The following HLTF variants were observed in gnomAD, a reference collection of about 807,000 sequenced individuals.
HLTF encodes the protein DNA-dependent ATPase/E3 ubiquitin-protein ligase HLTF.
In HLTF, 127 loss-of-function variants were observed where a neutral mutation model predicts 129.4. The ratio of observed to expected loss-of-function variants is 0.98; its 90% confidence interval spans 0.85 to 1.14. HLTF has a LOEUF of 1.14. Ranked by LOEUF, HLTF falls within the 50% of genes most tolerant of loss-of-function variation. The pLI is 0.00. For synonymous variants in HLTF, 332 were observed against 388.8 expected, an observed-to-expected ratio of 0.85 and a Z score of 1.72; for missense variants, 1,139 against 1,187.1, an observed-to-expected ratio of 0.96 and a Z score of 0.60.
At position 149,073,227 on chromosome 3, in the gene HLTF, G is replaced by C. The variant is rs1212768323; in HGVS notation, c.625C>G (p.Gln209Glu). 2 of 1,589,846 alleles carry C rather than the reference G, an allele frequency of 1.3e-6. No individual in the cohort carries two copies. The highest frequency in any genetic ancestry group is 1.7e-5 in the Admixed American group (1 of 57,276). Residue 209 changes from glutamine (Q) to glutamate (E), a missense_variant and splice_region_variant, in exon 5 of 25, where the codon CAG (glutamine) becomes GAG (glutamate). Coordinates refer to ENST00000310053, the MANE Select transcript of HLTF (RefSeq NM_003071.4). ...TACAAAATAAAAGAGAAGCACACCT[G>C]TTCAGTTGTCATCTGTACTGCAGCA... ...VHAAVQMTTE[Q>E]LKTEFDKLFE...
At chr3:149,037,945 T>C (rs147497749) in intron 23 of HLTF, among the ~76,000 whole-genome samples, 1 of 152,328 alleles carries the variant, frequency 6.6e-6, no homozygotes, top group African/African-American at 2.4e-5. Flanking sequence ...AAGTGAATTT[T>C]AGCCTCTGTT....
chr3:149,084,534 T>G (rs940643922), intron 2 of HLTF, 148 bp downstream of exon 2: 1 of 642,438 alleles, frequency 1.6e-6, no homozygotes, highest in Non-Finnish European at 2.6e-6. Context: ...GAGGGTCACT[T>G]AAGGTATTTG....
rs1278758240 is a variant in HLTF at position 149,063,059 on chromosome 3, CTCTT to C, written c.1160+368_1160+371del. ...AAGGGTCATGGTCATCTCTATCTCT[CTCTT>C]TTTCTTTTTTTTTTGAGACGGAGTC... is the stretch of plus-strand genomic sequence containing the variant. On this transcript the variant is annotated intron_variant, in intron 10 of 24. Transcript: ENST00000310053. 25 of 456,794 alleles carry C rather than the reference CTCTT, an allele frequency of 5.5e-5. No homozygotes were observed. In the East Asian group the frequency reaches 1.0e-3, roughly 19 times the overall value. 28.3% of individuals were successfully genotyped at this position (456,794 alleles called of 1,614,324 possible).
chr3:149,048,154 A>T lies in HLTF; in HGVS notation c.1766T>A (p.Ile589Asn). 6.2e-7 allele frequency: 1 copy of T among 1,605,972 alleles called. No homozygotes were observed. Among genetic ancestry groups the T allele is most frequent in the Non-Finnish European group, 8.5e-7 (1 of 1,177,090 alleles). Residue 589 changes from isoleucine to asparagine, a missense_variant, in exon 17 of 25, where the codon ATC becomes AAC. Physicochemically the swap from Ile to Asn is moderately radical, Grantham distance 149. Transcript: ENST00000310053. ...ERRWVLTGTP[I>N]QNSLKDLWSL... is the part of the protein sequence containing the mutation. The stretch of plus-strand genomic sequence containing the variant: ...CCACAAGTCCTTTAAAGAATTCTGG[A>T]TTGGAGTACCTAGAAATAACAGGAA...
intron 2 of HLTF, chr3:149,083,666 T>TG (rs1368027552): frequency 6.6e-6 from 1 of 151,200 alleles, no homozygotes; most frequent in Admixed American, 6.6e-5. Flanking sequence ...TCCCAGCACT[T>TG]GGAGAGGCCA....
chr3:149,057,172 A>T (rs1377786811), intron 13 of HLTF, among the ~76,000 whole-genome samples: 1 of 149,500 alleles, frequency 6.7e-6, no homozygotes, highest in Non-Finnish European at 1.5e-5. Flanking sequence ...TCATGCCTGT[A>T]ATCCCAGCAC....
At chr3:149,032,970 A>C (rs1239754689) in intron 24 of HLTF, among the ~76,000 whole-genome samples, 1 of 142,570 alleles carries the variant, frequency 7.0e-6, no homozygotes, top group Admixed American at 7.0e-5. Flanking sequence ...AAAAAAAAAA[A>C]AAAAAAACAA....
At chr3:149,050,827 G>A (rs1716919919) in intron 14 of HLTF, among the ~76,000 whole-genome samples, 1 of 152,014 alleles carries the variant, frequency 6.6e-6, no homozygotes, top group Non-Finnish European at 1.5e-5. Flanking sequence ...CTATTTGCCA[G>A]GTATCAACCA....
At position 149,039,652 on chromosome 3, in the gene HLTF, CTTCT is replaced by C. The variant is rs765674617; in HGVS notation, c.2540_2543del (p.Lys847ArgfsTer5). 6.2e-7 allele frequency: 1 copy of C among 1,607,688 alleles called. No homozygotes were observed. On this transcript the variant is annotated frameshift_variant, in exon 22 of 25. Coordinates refer to ENST00000310053, the MANE Select transcript of HLTF (RefSeq NM_003071.4). LOFTEE classifies it high-confidence loss of function. ...CAACCAAACTTTTTATGTTGGGATT[CTTCT>C]TTCTTAAGTCAGTCAATGCGTGCAT...
In HLTF at chr3:149,071,574, G is replaced by T; in HGVS notation, c.702+9C>A. 1 of 1,567,736 alleles carries T rather than the reference G, an allele frequency of 6.4e-7. No individual in the cohort carries two copies. Among genetic ancestry groups the T allele is most frequent in the Non-Finnish European group, 8.8e-7 (1 of 1,142,776 alleles). Reference sequence around the variant, plus strand: ...GAGTAGTCTTAAATAAAAAATATTGGTTCAATACCTCAGCTGGTTCCATTT... The same window carrying T: ...GAGTAGTCTTAAATAAAAAATATTGTTTCAATACCTCAGCTGGTTCCATTT... On this transcript the variant is annotated intron_variant, in intron 6 of 24. Coordinates refer to ENST00000310053, the MANE Select transcript of HLTF (RefSeq NM_003071.4).
At chr3:149,047,182 C>T (rs1716614988) in intron 17 of HLTF, among the ~76,000 whole-genome samples, 1 of 139,052 alleles carries the variant, frequency 7.2e-6, no homozygotes, top group Admixed American at 7.6e-5. Flanking sequence ...GTCTATAAAC[C>T]GGTGCTTTAG....
At chr3:149,059,872 T>C in intron 12 of HLTF, 65 bp from the exon 13 acceptor site, 1 of 914,358 alleles carries the variant, frequency 1.1e-6, no homozygotes, top group South Asian at 1.5e-5. Context: ...GTACAGGTAC[T>C]TTCTAAGGGT....
chr3:149,067,286 A>G (rs563977716), intron 8 of HLTF, among the ~76,000 whole-genome samples: 5 of 152,160 alleles, frequency 3.3e-5, no homozygotes, highest in African/African-American at 1.2e-4. Flanking sequence ...CAGATAGTGT[A>G]GTGAATGGAC....
chr3:149,046,140 G>T lies in HLTF; in HGVS notation c.2012C>A (p.Ser671Ter), dbSNP rs765649881. 6.2e-7 allele frequency: 1 copy of T among 1,611,146 alleles called. No individual in the cohort carries two copies. The highest frequency in any genetic ancestry group is 8.5e-7 in the Non-Finnish European group (1 of 1,178,406). Reference sequence around the variant, plus strand: ...CTGATAAATCTTTCTCTCTTCATCTGAAAGTGTAATGTGCTGAATAAATAC... The same window carrying T: ...CTGATAAATCTTTCTCTCTTCATCTTAAAGTGTAATGTGCTGAATAAATAC... ...RKVFIQHITL[S>*]DEERKIYQSV... The change falls in exon 18 of 25, where the codon TCA (serine) becomes TAA (stop). Residue 671 changes from serine to a stop codon, truncating the protein, a stop_gained. Transcript: ENST00000310053. LOFTEE classifies it high-confidence loss of function.
At chr3:149,085,277 G>A (rs961734147) in intron 1 of HLTF, among the ~76,000 whole-genome samples, 6 of 152,154 alleles carry the variant, frequency 3.9e-5, no homozygotes, top group African/African-American at 1.4e-4. Flanking sequence ...GATCACCTGA[G>A]GTCAGGAATT....
intron 23 of HLTF, among the ~76,000 whole-genome samples, chr3:149,038,067 A>G (rs1486722863): frequency 6.6e-6 from 1 of 152,186 alleles, no homozygotes; most frequent in African/African-American, 2.4e-5. Context: ...GTGATCCTAG[A>G]CCACCTGTAC....
Position 149,064,820 on chromosome 3 carries a change from G to A in HLTF, c.1037C>T (p.Thr346Ile). 1 of 1,600,486 alleles carries A rather than the reference G, an allele frequency of 6.2e-7. No homozygotes were observed. The highest frequency in any genetic ancestry group is 8.6e-7 in the Non-Finnish European group (1 of 1,168,342). Residue 346 changes from threonine (T) to isoleucine (I), a missense_variant, in exon 9 of 25, where the codon ACC becomes ATC. By Grantham distance (89) the Thr-to-Ile change is moderately conservative. Transcript: ENST00000310053. Reference sequence around the variant, plus strand: ...GCTTAGTCCATCTGCCTTTTCACTGGTATTGTTTCCTCCAAGTTTCATAGA... The same window carrying A: ...GCTTAGTCCATCTGCCTTTTCACTGATATTGTTTCCTCCAAGTTTCATAGA... ...DDSMKLGGNN[T>I]SEKADGLSKD...
intron 24 of HLTF, among the ~76,000 whole-genome samples, chr3:149,032,966 A>C (rs1286435068): frequency 2.9e-5 from 4 of 140,208 alleles, no homozygotes; most frequent in South Asian, 4.4e-4. Context: ...TCAAAAAAAA[A>C]AAAAAAAAAA....
intron 16 of HLTF, 23 bp from the exon 17 acceptor site, chr3:149,048,186 A>T: frequency 6.3e-7 from 1 of 1,585,722 alleles, no homozygotes; most frequent in African/African-American, 1.4e-5. Context: ...GGAAACTGTT[A>T]TAACTCTTTA....
Sources: gnomAD v4.1 joint callset for allele counts (sites outside exome capture counted in the v4.1 genomes callset) on GRCh38, gnomAD v4.1.1 for gene constraint, MANE v1.5 for transcripts, NCBI Gene and HGNC (gene_info 2026-07-23, HGNC 2026-07-21) for gene names.